The following THSD7A variants were observed in gnomAD, a reference collection of about 807,000 sequenced individuals.
THSD7A encodes the protein thrombospondin type-1 domain-containing protein 7A.
THSD7A carries 96 observed loss-of-function variants against 231.3 expected under a neutral mutation model. That is an observed-to-expected ratio of 0.41 (90% confidence interval 0.35 to 0.49). THSD7A has a LOEUF of 0.49. Among genes scored for constraint, THSD7A ranks in the 20% least tolerant of loss-of-function variants. The probability of loss-of-function intolerance (pLI) is 0.05; values close to 1 mark genes in which losing one functional copy is unlikely to be tolerated. For missense variants in THSD7A, 2,290 were observed against 2,070.2 expected (o/e 1.11, Z -2.06); for synonymous variants, 940 against 743.3 (o/e 1.26, Z -4.30).
At chr7:11,683,540 C>T in intron 1 of THSD7A, among the ~76,000 whole-genome samples, 1 of 151,872 alleles carries the variant, frequency 6.6e-6, no homozygotes, top group East Asian at 1.9e-4. Context: ...ACAAAAATGA[C>T]ATTACAACCA....
chr7:11,460,514 A>G (rs1435055486), intron 11 of THSD7A, 148 bp downstream of exon 11: 17 of 515,020 alleles, frequency 3.3e-5, no homozygotes, highest in East Asian at 2.0e-4. Context: ...ACATGTTTCT[A>G]TGTCCTGATG....
intron 4 of THSD7A, among the ~76,000 whole-genome samples, chr7:11,589,685 C>T (rs1780075603): frequency 6.6e-6 from 1 of 152,134 alleles, no homozygotes; most frequent in Non-Finnish European, 1.5e-5. Flanking sequence ...TCCTGCTATT[C>T]CTCAGACAGA....
chr7:11,770,722 A>G (rs921649840), intron 1 of THSD7A, among the ~76,000 whole-genome samples: 1 of 152,174 alleles, frequency 6.6e-6, no homozygotes, highest in Non-Finnish European at 1.5e-5. Flanking sequence ...CTTTGAGAAA[A>G]CTATGCAAAA....
At chr7:11,676,360 C>T (rs529478329) in intron 1 of THSD7A, among the ~76,000 whole-genome samples, 18 of 152,288 alleles carry the variant, frequency 1.2e-4, no homozygotes, top group African/African-American at 4.1e-4. Flanking sequence ...GCCTCTTCTC[C>T]TCCAAAGGAT....
rs533368055 is a variant in THSD7A at position 11,723,424 on chromosome 7, A to G, written c.191-86463T>C. 7.9e-5 allele frequency among the ~76,000 whole-genome samples: 12 copies of G among 152,032 alleles called. No homozygotes were observed. The East Asian group carries it at 2.4e-3, about 30-fold the overall frequency. On this transcript the variant is annotated intron_variant, in intron 1 of 27. Transcript: ENST00000423059. ...ACACAAATATGGCACATGTATACAT[A>G]TGTAACAAACCTGCACACTGTGCAC...
At chr7:11,735,073 C>T (rs1372737338) in intron 1 of THSD7A, among the ~76,000 whole-genome samples, 1 of 151,844 alleles carries the variant, frequency 6.6e-6, no homozygotes, top group African/African-American at 2.4e-5. Flanking sequence ...TCTGAAATGC[C>T]TTCTAACTTC....
chr7:11,477,822 C>T (rs1786255750), intron 7 of THSD7A, among the ~76,000 whole-genome samples: 1 of 152,148 alleles, frequency 6.6e-6, no homozygotes, highest in Non-Finnish European at 1.5e-5. Context: ...CAGCTACTTA[C>T]TTCTGTTGAG....
At chr7:11,754,266 A>T (rs1782603755) in intron 1 of THSD7A, among the ~76,000 whole-genome samples, 1 of 152,028 alleles carries the variant, frequency 6.6e-6, no homozygotes, top group South Asian at 2.1e-4. Context: ...TGAAATGATA[A>T]AAATAGAGAG....
At chr7:11,416,702 G>C (rs1436170219) in intron 17 of THSD7A, among the ~76,000 whole-genome samples, 1 of 152,128 alleles carries the variant, frequency 6.6e-6, no homozygotes, top group African/African-American at 2.4e-5. Flanking sequence ...TTTTTCTCAT[G>C]CTTTTGATGC....
intron 1 of THSD7A, among the ~76,000 whole-genome samples, chr7:11,750,718 C>G (rs890475933): frequency 6.6e-6 from 1 of 152,006 alleles, no homozygotes; most frequent in African/African-American, 2.4e-5. Flanking sequence ...AGATCCGGCA[C>G]TTGTACAACT....
chr7:11,794,073 A>G (rs1784047172), intron 1 of THSD7A, among the ~76,000 whole-genome samples: 1 of 151,980 alleles, frequency 6.6e-6, no homozygotes, highest in South Asian at 2.1e-4. Context: ...TCAGATGATT[A>G]AAGATTTTCT....
intron 2 of THSD7A, among the ~76,000 whole-genome samples, chr7:11,624,938 G>C (rs964589763): frequency 2.0e-5 from 3 of 152,030 alleles, no homozygotes; most frequent in African/African-American, 7.2e-5. Context: ...AGATTAGAAT[G>C]CCAGAGAAGT....
intron 6 of THSD7A, among the ~76,000 whole-genome samples, chr7:11,529,955 T>C (rs1188318930): frequency 6.6e-6 from 1 of 152,128 alleles, no homozygotes; most frequent in African/African-American, 2.4e-5. Flanking sequence ...ATATATTAAC[T>C]CATTTGCACT....
intron 1 of THSD7A, among the ~76,000 whole-genome samples, chr7:11,717,627 TA>T (rs1459801298): frequency 2.6e-5 from 4 of 151,654 alleles, no homozygotes; most frequent in African/African-American, 4.8e-5. Context: ...TTCTATCCAC[TA>T]CTAGGAGAAT....
chr7:11,555,932 G>A (rs974161101), intron 4 of THSD7A, among the ~76,000 whole-genome samples: 1 of 151,440 alleles, frequency 6.6e-6, no homozygotes, highest in East Asian at 1.9e-4. Context: ...ATGACACACA[G>A]TTTCTCATTA....
rs1785652709 is a variant in THSD7A at position 11,465,242 on chromosome 7, TTCCTTTATAGTGG to T, written c.2369-3112_2369-3100del. 2.0e-5 allele frequency among the ~76,000 whole-genome samples: 3 copies of T among 152,146 alleles called. No individual in the cohort carries two copies. In the South Asian group the frequency reaches 6.2e-4, roughly 31 times the overall value. On this transcript the variant is annotated intron_variant, in intron 9 of 27. Transcript: ENST00000423059. ...AGCACCTTCTATTTCTTTCCACTTATTCCTTTATAGTGGTAAGCGCACAGGTACCAATGCTGTG... is the reference window on the plus strand; with the variant it reads ...AGCACCTTCTATTTCTTTCCACTTATTAAGCGCACAGGTACCAATGCTGTG...
chr7:11,819,578 G>T (rs1232734353), intron 1 of THSD7A, among the ~76,000 whole-genome samples: 1 of 152,180 alleles, frequency 6.6e-6, no homozygotes, highest in African/African-American at 2.4e-5. Context: ...GCTACATACG[G>T]TATGATTCCA....
chr7:11,575,490 C>T (rs1164171923), intron 4 of THSD7A, among the ~76,000 whole-genome samples: 3 of 152,138 alleles, frequency 2.0e-5, no homozygotes, highest in Non-Finnish European at 4.4e-5. Context: ...CTTTCAATTT[C>T]CATTTGAGGA....
At chr7:11,669,583 T>C (rs1783290862) in intron 1 of THSD7A, among the ~76,000 whole-genome samples, 1 of 151,948 alleles carries the variant, frequency 6.6e-6, no homozygotes, top group Non-Finnish European at 1.5e-5. Context: ...TATTTTTTGG[T>C]TATGGTTTCC....
Sources: gnomAD v4.1 joint callset for allele counts (sites outside exome capture counted in the v4.1 genomes callset) on GRCh38, gnomAD v4.1.1 for gene constraint, MANE v1.5 for transcripts, NCBI Gene and HGNC (gene_info 2026-07-23, HGNC 2026-07-21) for gene names.